AMMECR1: variants seen among roughly 807,000 people sequenced by gnomAD.
The protein encoded by AMMECR1 is nuclear protein AMMECR1.
AMMECR1 carries 3 observed loss-of-function variants against 22.5 expected under a neutral mutation model. That is an observed-to-expected ratio of 0.13 (90% CI 0.06 to 0.35). The LOEUF is 0.35. AMMECR1 is among the 10% of genes least tolerant of loss of function. The pLI is 1.00. For synonymous variants in AMMECR1, 130 were observed against 116.7 expected (o/e 1.11, Z -0.74); for missense variants, 235 against 278.7 (o/e 0.84, Z 1.12).
At chrX:110,212,889 A>G (rs189117053) in intron 3 of AMMECR1, among the ~76,000 whole-genome samples, 41 of 111,996 alleles carry the variant, frequency 3.7e-4, no homozygotes, top group Non-Finnish European at 6.4e-4. Context: ...AGAATGGAAA[A>G]AAAATTTTAA....
chrX:110,402,565 T>C (rs1346395122), intron 2 of AMMECR1, among the ~76,000 whole-genome samples: 2 of 112,509 alleles, frequency 1.8e-5, no homozygotes, highest in Non-Finnish European at 3.8e-5. Flanking sequence ...CCATTTTGCC[T>C]AGGGGCGAGC....
chrX:110,438,686 T>C (rs1340577832), intron 1 of AMMECR1, among the ~76,000 whole-genome samples: 1 of 111,575 alleles, frequency 9.0e-6, no homozygotes, highest in African/African-American at 3.3e-5. Flanking sequence ...GTCTTGATTT[T>C]TTTTTTAGCA....
intron 2 of AMMECR1, among the ~76,000 whole-genome samples, chrX:110,255,759 TA>T: frequency 8.9e-6 from 1 of 111,958 alleles, no homozygotes; most frequent in African/African-American, 3.2e-5. Flanking sequence ...AACAGAGTGT[TA>T]AAAATGGAGA....
intron 1 of AMMECR1, among the ~76,000 whole-genome samples, chrX:110,434,619 G>C (rs1166121475): frequency 8.9e-6 from 1 of 111,805 alleles, no homozygotes; most frequent in Non-Finnish European, 1.9e-5. Context: ...CTGAGGCAGG[G>C]AACACAAGAC....
chrX:110,437,198 G>C (rs1380105792), intron 1 of AMMECR1, among the ~76,000 whole-genome samples: 5 of 111,933 alleles, frequency 4.5e-5, no homozygotes, highest in Non-Finnish European at 7.5e-5. Context: ...TTAACTGGAG[G>C]AGATGGTGAG....
At chrX:110,200,381 T>C (rs1388360943) in intron 5 of AMMECR1, among the ~76,000 whole-genome samples, 3 of 112,368 alleles carry the variant, frequency 2.7e-5, no homozygotes, top group African/African-American at 9.7e-5. Context: ...ATTTTTAGAC[T>C]ATAAGCATTC....
At chrX:110,399,626 G>A (rs1323897456) in intron 2 of AMMECR1, among the ~76,000 whole-genome samples, 2 of 112,220 alleles carry the variant, frequency 1.8e-5, no homozygotes, top group Non-Finnish European at 3.8e-5. Flanking sequence ...TGTGAAAGGC[G>A]ACCTGGTTCA....
intron 2 of AMMECR1, among the ~76,000 whole-genome samples, chrX:110,217,616 A>G (rs760934842): frequency 1.8e-4 from 20 of 110,433 alleles, no homozygotes; most frequent in Non-Finnish European, 3.2e-4. Context: ...ATTGCCTACT[A>G]TATTAATGGC....
intron 2 of AMMECR1, among the ~76,000 whole-genome samples, chrX:110,362,672 A>G (rs1052958253): frequency 1.8e-5 from 2 of 112,102 alleles, no homozygotes; most frequent in African/African-American, 6.5e-5. Flanking sequence ...AATATGATAA[A>G]TGAAGTATTT....
At chrX:110,210,741 A>T (rs978892179) in intron 3 of AMMECR1, among the ~76,000 whole-genome samples, 1 of 112,353 alleles carries the variant, frequency 8.9e-6, no homozygotes, top group African/African-American at 3.2e-5. Context: ...TTGAGCTGTG[A>T]TCACTCAAGA....
In AMMECR1 at chrX:110,403,089, C is replaced by A. The variant is rs1005387368; in HGVS notation, c.-148+23569G>T. Among the ~76,000 whole-genome samples, 70 of 111,179 alleles carry A rather than the reference C, an allele frequency of 6.3e-4. 1 individual carries two copies. Among genetic ancestry groups the A allele is most frequent in the African/African-American group, 2.3e-3 (70 of 30,434 alleles). On this transcript the variant is annotated intron_variant, in intron 2 of 7. Transcript: ENST00000372057. ...TTTATCACTTGCTAGGCAGGCCCTGCCATCCTTGGGAGTAGGTATGAGAGA... is the reference window on the plus strand; with the variant it reads ...TTTATCACTTGCTAGGCAGGCCCTGACATCCTTGGGAGTAGGTATGAGAGA...
chrX:110,370,443 A>G (rs1240328389), intron 2 of AMMECR1, among the ~76,000 whole-genome samples: 1 of 111,759 alleles, frequency 8.9e-6, no homozygotes, highest in Non-Finnish European at 1.9e-5. Context: ...TCCTGACCTC[A>G]TGTGATCCAC....
chrX:110,261,790 C>A (rs1163172927), intron 2 of AMMECR1, among the ~76,000 whole-genome samples: 1 of 111,434 alleles, frequency 9.0e-6, no homozygotes, highest in Non-Finnish European at 1.9e-5. Flanking sequence ...TCATTATTTT[C>A]ATGACAAAGC....
chrX:110,438,604 C>T (rs2148338816), intron 1 of AMMECR1, among the ~76,000 whole-genome samples: 1 of 111,464 alleles, frequency 9.0e-6, no homozygotes, highest in South Asian at 3.8e-4. Context: ...GAAACAAATT[C>T]CTCCCGAGAC....
At chrX:110,280,745 T>C (rs1162649792) in intron 1 of AMMECR1, among the ~76,000 whole-genome samples, 1 of 111,851 alleles carries the variant, frequency 8.9e-6, no homozygotes, top group Non-Finnish European at 1.9e-5. Context: ...TCATACTGTA[T>C]GGTTTTGTAT....
intron 1 of AMMECR1, among the ~76,000 whole-genome samples, chrX:110,273,321 G>T (rs1352367074): frequency 9.0e-6 from 1 of 111,617 alleles, no homozygotes; most frequent in African/African-American, 3.3e-5. Context: ...AGAAATTTCT[G>T]TTCATGTCCT....
chrX:110,374,599 C>T (rs2068362749), intron 2 of AMMECR1, among the ~76,000 whole-genome samples: 1 of 111,960 alleles, frequency 8.9e-6, no homozygotes, highest in Admixed American at 9.5e-5. Context: ...ATCTTTAAAA[C>T]TTAGAAGTAG....
intron 2 of AMMECR1, among the ~76,000 whole-genome samples, chrX:110,369,931 T>C (rs760907314): frequency 9.0e-6 from 1 of 111,264 alleles, no homozygotes; most frequent in Non-Finnish European, 1.9e-5. Flanking sequence ...TTGACACTTG[T>C]GTGCGTGTGT....
intron 2 of AMMECR1, among the ~76,000 whole-genome samples, chrX:110,339,973 TACACACACACACACAC>T (rs35459612): frequency 2.7e-4 from 21 of 78,787 alleles, no homozygotes; most frequent in Admixed American, 5.8e-4. Context: ...AGGCAAAACA[TACACACACACACACAC>T]ACACACACAC....
Sources: allele counts gnomAD v4.1 joint callset (sites outside exome capture counted in the v4.1 genomes callset), GRCh38; gene constraint gnomAD v4.1.1; transcripts MANE v1.5; gene names NCBI Gene and HGNC (gene_info 2026-07-23, HGNC 2026-07-21).